The following PCDHGB7 variants were observed in gnomAD, a reference collection of about 807,000 sequenced individuals.
PCDHGB7 encodes the protein protocadherin gamma-B7.
Under a neutral mutation model 61.4 loss-of-function variants are expected in PCDHGB7, and 37 were observed. The ratio of observed to expected loss-of-function variants is 0.60; its 90% CI spans 0.46 to 0.79. PCDHGB7 has a LOEUF of 0.79. PCDHGB7 is among the 30% of genes least tolerant of loss of function. The pLI, the probability that PCDHGB7 is intolerant of heterozygous loss-of-function variation, is 0.00. For missense variants in PCDHGB7, 1,166 were observed against 1,202.5 expected, an observed-to-expected ratio of 0.97 and a Z score of 0.45; for synonymous variants, 464 against 503.5, an observed-to-expected ratio of 0.92 and a Z score of 1.05.
Position 141,485,436 on chromosome 5 carries a change from A to G in PCDHGB7, c.2416-9371A>G, listed in dbSNP as rs2099613369. On this transcript the variant is annotated intron_variant, in intron 1 of 3. Transcript: ENST00000398594. This position sits in a 1 kb window ranked among gnomAD's most constrained non-coding sequence, Gnocchi z 5.7. ...GACAGCGGAGCCCTGCTCATCAAGA[A>G]CCCAATCGACCGAGAGGCACTGTGT... 1.9e-6 allele frequency: 3 copies of G among 1,614,092 alleles called. No individual in the cohort carries two copies. The highest frequency in any genetic ancestry group is 2.7e-5 in the African/African-American group (2 of 74,934).
At position 141,486,392 on chromosome 5, in the gene PCDHGB7, C is replaced by T; in HGVS notation, c.2416-8415C>T. ...GTCTGCCTTCAGGAACCAGTTCTCC[C>T]TGGTGACTGCTGGACCCTTGGATCG... On this transcript the variant is annotated intron_variant, in intron 1 of 3. Coordinates refer to ENST00000398594, the MANE Select transcript of PCDHGB7 (RefSeq NM_018927.4). The surrounding 1 kb of genome is among the most constrained non-coding windows in gnomAD (Gnocchi z 5.0). 1 of 1,614,170 alleles carries T rather than the reference C, an allele frequency of 6.2e-7. No individual in the cohort carries two copies. Among genetic ancestry groups the T allele is most frequent in the Non-Finnish European group, 8.5e-7 (1 of 1,180,014 alleles).
chr5:141,433,108 G>A (rs2097568903), intron 1 of PCDHGB7: 2 of 1,614,146 alleles, frequency 1.2e-6, no homozygotes, highest in East Asian at 2.2e-5. Context: ...TCAGCCAGGA[G>A]AGCTTTGAAA....
At chr5:141,443,499 A>T (rs533910381) in intron 1 of PCDHGB7, among the ~76,000 whole-genome samples, 1 of 152,268 alleles carries the variant, frequency 6.6e-6, no homozygotes, top group African/African-American at 2.4e-5. Context: ...ACAAACAAAC[A>T]AATAAAGAGC....
intron 3 of PCDHGB7, 111 bp from the exon 4 acceptor site, chr5:141,510,836 G>C: frequency 6.3e-7 from 1 of 1,584,882 alleles, no homozygotes; most frequent in African/African-American, 1.3e-5. Flanking sequence ...TGCTCAGCGT[G>C]GTCAAGGCCC....
At chr5:141,453,071 C>G (rs561248978) in intron 1 of PCDHGB7, among the ~76,000 whole-genome samples, 13 of 152,150 alleles carry the variant, frequency 8.5e-5, no homozygotes, top group South Asian at 2.1e-4. Flanking sequence ...TTTTGCCACA[C>G]TCTGGTTGAT....
chr5:141,419,029 T>C lies in PCDHGB7; in HGVS notation c.1170T>C (p.Val390=). 6.2e-7 allele frequency: 1 copy of C among 1,613,886 alleles called. No individual in the cohort carries two copies. The highest frequency in any genetic ancestry group is 8.5e-7 in the Non-Finnish European group (1 of 1,179,834). Reference sequence around the variant, plus strand: ...TCAGGTGTAGCTTAAGTAGAGGTGTTCCATTTAAGATTCATTCTTCTTCTA... The same window carrying C: ...TCAGGTGTAGCTTAAGTAGAGGTGTCCCATTTAAGATTCATTCTTCTTCTA... The part of the protein sequence containing the change: ...GEVRCSLSRG[V]PFKIHSSSNN... The change falls in exon 1 of 4, where the codon GTT becomes GTC. Residue 390 remains valine (V), a synonymous_variant. Transcript: ENST00000398594.
intron 1 of PCDHGB7, among the ~76,000 whole-genome samples, chr5:141,424,884 T>C (rs953145254): frequency 2.0e-5 from 3 of 152,186 alleles, no homozygotes; most frequent in Non-Finnish European, 4.4e-5. Flanking sequence ...AGGAGACTTA[T>C]CTAGGGTTTT....
At chr5:141,478,173 A>G (rs1397071220) in intron 1 of PCDHGB7, 1 of 1,613,986 alleles carries the variant, frequency 6.2e-7, no homozygotes, top group Non-Finnish European at 8.5e-7. Flanking sequence ...CCCCGGGAGC[A>G]GAAAAAAAAT....
At chr5:141,500,840 C>T (rs1394248251) in intron 2 of PCDHGB7, among the ~76,000 whole-genome samples, 1 of 151,966 alleles carries the variant, frequency 6.6e-6, no homozygotes, top group Non-Finnish European at 1.5e-5. Flanking sequence ...TGCTAATGGG[C>T]TTTTGCTACA....
rs1396618267 is a variant in PCDHGB7, at chr5:141,421,234, A to T, written c.2415+960A>T. On this transcript the variant is annotated intron_variant, in intron 1 of 3. Coordinates refer to ENST00000398594, the MANE Select transcript of PCDHGB7 (RefSeq NM_018927.4). ...TATCGGCTTAGAGCCTGCCATGGCG[A>T]ATCGGCTACAGCGCGGGGACCGCAG... 7 of 1,593,656 alleles carry T rather than the reference A, an allele frequency of 4.4e-6. No homozygotes were observed. In the African/African-American group the frequency reaches 9.4e-5, roughly 21 times the overall value.
chr5:141,489,066 C>G lies in PCDHGB7; in HGVS notation c.2416-5741C>G. The stretch of plus-strand genomic sequence containing the variant: ...CACTCAAATTCAGCTCCCCTCCCCC[C>G]TGCCCACCCCCGCCACTCGGTGACT... On this transcript the variant is annotated intron_variant, in intron 1 of 3. Transcript: ENST00000398594. This position sits in a 1 kb window ranked among gnomAD's most constrained non-coding sequence, Gnocchi z 4.5. 1 of 391,132 alleles carries G rather than the reference C, an allele frequency of 2.6e-6. No individual in the cohort carries two copies. Among genetic ancestry groups the G allele is most frequent in the South Asian group, 4.2e-5 (1 of 24,028 alleles). 24.2% of individuals were successfully genotyped at this position (391,132 alleles called of 1,614,324 possible).
chr5:141,475,388 G>C (rs1230010845), intron 1 of PCDHGB7, among the ~76,000 whole-genome samples: 8 of 152,170 alleles, frequency 5.3e-5, no homozygotes, highest in Non-Finnish European at 1.0e-4. Flanking sequence ...AATTTTATAA[G>C]CCAGAGTTAA....
At position 141,418,786 on chromosome 5, in the gene PCDHGB7, TGAA is replaced by T; in HGVS notation, c.932_934del (p.Glu311del). The T allele has an allele frequency of 1.2e-6, 2 of 1,613,854 alleles. No individual in the cohort carries two copies. Among genetic ancestry groups the T allele is most frequent in the Non-Finnish European group, 8.5e-7 (1 of 1,179,788 alleles). ...TTCTAACTCAGCAGCCTTTGGATTT[TGAA>T]GAAGTAGAAAGATATACGATAAACA... is the stretch of plus-strand genomic sequence containing the variant. On this transcript the variant is annotated inframe_deletion, in exon 1 of 4. Transcript: ENST00000398594.
In PCDHGB7 at chr5:141,486,056, C is replaced by T; in HGVS notation, c.2416-8751C>T. 6.2e-7 allele frequency: 1 copy of T among 1,614,170 alleles called. No homozygotes were observed. The highest frequency in any genetic ancestry group is 8.5e-7 in the Non-Finnish European group (1 of 1,180,026). ...TGATCGTGTAAGAAACCTCTTTAGC[C>T]TGCACCCCACTACTGGAAAGCTTAC... On this transcript the variant is annotated intron_variant, in intron 1 of 3. Transcript: ENST00000398594. The surrounding 1 kb of genome is among the most constrained non-coding windows in gnomAD (Gnocchi z 5.0).
intron 1 of PCDHGB7, chr5:141,433,139 T>G: frequency 6.2e-7 from 1 of 1,614,068 alleles, no homozygotes; most frequent in Non-Finnish European, 8.5e-7. Context: ...CCTTTTGCTG[T>G]CAGGTGATTC....
chr5:141,420,540 A>G, intron 1 of PCDHGB7: 1 of 306,814 alleles, frequency 3.3e-6, no homozygotes, highest in Non-Finnish European at 5.7e-6. Context: ...AAAAATATAA[A>G]ATACAGGTAT....
chr5:141,418,458 TG>T lies in PCDHGB7; in HGVS notation c.601del (p.Asp201ThrfsTer12). 6.2e-7 allele frequency: 1 copy of T among 1,614,010 alleles called. No homozygotes were observed. The highest frequency in any genetic ancestry group is 8.5e-7 in the Non-Finnish European group (1 of 1,179,888). On this transcript the variant is annotated frameshift_variant, in exon 1 of 4. Coordinates refer to ENST00000398594, the MANE Select transcript of PCDHGB7 (RefSeq NM_018927.4). LOFTEE classifies it high-confidence loss of function. ...KYPELVLQKT[L>X]DRETQSAHHL... ...CCAGAATTAGTATTGCAGAAGACTC[TG>T]GACCGAGAAACGCAGAGCGCTCACC...
intron 2 of PCDHGB7, among the ~76,000 whole-genome samples, chr5:141,501,290 T>TACACACACACACAC (rs55762287): frequency 7.3e-6 from 1 of 136,164 alleles, no homozygotes; most frequent in Non-Finnish European, 1.6e-5. Context: ...TATTCCCTTA[T>TACACACACACACAC]ACACACACAC....
intron 1 of PCDHGB7, chr5:141,423,684 T>G (rs201506477): frequency 6.6e-7 from 1 of 1,524,756 alleles, no homozygotes; most frequent in Non-Finnish European, 8.8e-7. Context: ...CTCTGCCTCC[T>G]AATTGTTGGT....
Sources: gnomAD v4.1 joint callset for allele counts (sites outside exome capture counted in the v4.1 genomes callset) on GRCh38, gnomAD v4.1.1 for gene constraint, Gnocchi (gnomAD v3.1) non-coding constraint, MANE v1.5 for transcripts, NCBI Gene and HGNC (gene_info 2026-07-23, HGNC 2026-07-21) for gene names.